Variants in NEGR1 observed in about 807,000 individuals in gnomAD.
The protein encoded by NEGR1 is IgLON family member 4.
NEGR1 carries 10 observed loss-of-function variants against 40.9 expected under a neutral mutation model. The observed-to-expected ratio is 0.24, with a 90% CI of 0.15 to 0.42. The LOEUF (loss-of-function observed/expected upper bound fraction) is 0.42, where lower values mean the gene tolerates loss of function less well. NEGR1 is among the 10% of genes least tolerant of loss of function. The probability of loss-of-function intolerance (pLI) is 1.00; values close to 1 mark genes in which losing one functional copy is unlikely to be tolerated. For synonymous variants in NEGR1, 185 were observed against 166.8 expected (o/e 1.11, Z -0.84); for missense variants, 352 against 438.9 (o/e 0.80, Z 1.77).
At chr1:71,942,485 T>TATATATA (rs61271690) in intron 1 of NEGR1, among the ~76,000 whole-genome samples, 56 of 4,968 alleles carry the variant, frequency 0.011, no homozygotes, top group South Asian at 0.021. Context: ...ATATATATAT[T>TATATATA]TTTTTTTTTT....
At chr1:71,673,766 C>A (rs546974174) in intron 4 of NEGR1, among the ~76,000 whole-genome samples, 12 of 150,198 alleles carry the variant, frequency 8.0e-5, no homozygotes, top group African/African-American at 2.9e-4. Flanking sequence ...TTACACAGAG[C>A]AGAAGCCCAT....
intron 1 of NEGR1, among the ~76,000 whole-genome samples, chr1:72,036,766 T>C (rs1236186226): frequency 6.6e-6 from 1 of 152,014 alleles, no homozygotes; most frequent in African/African-American, 2.4e-5. Flanking sequence ...TCTTTAACTT[T>C]ACATATATAT....
intron 1 of NEGR1, among the ~76,000 whole-genome samples, chr1:72,085,112 G>A (rs567524482): frequency 6.6e-6 from 1 of 152,166 alleles, no homozygotes; most frequent in South Asian, 2.1e-4. Context: ...AAATCCAAGT[G>A]ATTACACCAG....
chr1:71,447,818 G>GTGAA (rs1252618297), intron 6 of NEGR1, among the ~76,000 whole-genome samples: 1 of 152,082 alleles, frequency 6.6e-6, no homozygotes, highest in Non-Finnish European at 1.5e-5. Flanking sequence ...ATTTTATTGA[G>GTGAA]TGAATGAATG....
intron 1 of NEGR1, among the ~76,000 whole-genome samples, chr1:72,015,330 T>C (rs1249510572): frequency 6.6e-6 from 1 of 151,938 alleles, no homozygotes; most frequent in Non-Finnish European, 1.5e-5. Context: ...TGGCACTTCT[T>C]CTAAAAAAAA....
intron 2 of NEGR1, among the ~76,000 whole-genome samples, chr1:71,848,104 A>G (rs1023799933): frequency 6.6e-6 from 1 of 152,180 alleles, no homozygotes; most frequent in Non-Finnish European, 1.5e-5. Context: ...CATTAACTCT[A>G]TGAATGCTGA....
chr1:71,545,598 C>CT (rs1026610368), intron 6 of NEGR1, among the ~76,000 whole-genome samples: 8 of 151,430 alleles, frequency 5.3e-5, no homozygotes, highest in South Asian at 2.1e-4. Context: ...AACTCTTTTC[C>CT]TTTTTTTTAG....
intron 1 of NEGR1, among the ~76,000 whole-genome samples, chr1:71,936,584 T>C (rs1292031182): frequency 6.6e-6 from 1 of 152,174 alleles, no homozygotes; most frequent in Non-Finnish European, 1.5e-5. Flanking sequence ...AGAGATGCTA[T>C]ATGTGGGCAA....
chr1:71,491,732 C>T (rs548158459), intron 6 of NEGR1, among the ~76,000 whole-genome samples: 6 of 152,028 alleles, frequency 3.9e-5, no homozygotes, highest in East Asian at 3.9e-4. Context: ...TCTTTCATTC[C>T]CAAAGGGCTA....
chr1:72,047,943 TA>T (rs1647017831), intron 1 of NEGR1, among the ~76,000 whole-genome samples: 1 of 151,714 alleles, frequency 6.6e-6, no homozygotes, highest in East Asian at 1.9e-4. Flanking sequence ...AGAAAGAAAG[TA>T]AAAACTGCTC....
intron 6 of NEGR1, among the ~76,000 whole-genome samples, chr1:71,585,719 A>G (rs2101510994): frequency 7.0e-6 from 1 of 142,408 alleles, no homozygotes; most frequent in East Asian, 2.0e-4. Context: ...TTTACTCATT[A>G]CAAGTGAATG....
chr1:71,894,643 C>T (rs1051056276), intron 2 of NEGR1, among the ~76,000 whole-genome samples: 1 of 152,244 alleles, frequency 6.6e-6, no homozygotes, highest in Non-Finnish European at 1.5e-5. Flanking sequence ...GCTAACTTAT[C>T]AAATACAGGT....
intron 6 of NEGR1, among the ~76,000 whole-genome samples, chr1:71,442,123 GA>G (rs1425569124): frequency 2.0e-5 from 3 of 146,876 alleles, no homozygotes; most frequent in East Asian, 4.1e-4. Context: ...TACTCACCTT[GA>G]AAAAAAACCT....
intron 1 of NEGR1, among the ~76,000 whole-genome samples, chr1:72,271,862 G>C (rs189893803): frequency 2.6e-5 from 4 of 151,698 alleles, no homozygotes; most frequent in Non-Finnish European, 1.5e-5. Flanking sequence ...AACATCTGAC[G>C]GGTTTATCAG....
chr1:71,623,542 G>T (rs1014786028), intron 4 of NEGR1, among the ~76,000 whole-genome samples: 15 of 152,030 alleles, frequency 9.9e-5, no homozygotes. Context: ...AGTAGTTGTA[G>T]AATTGAGAGG....
At chr1:71,931,839 A>G (rs896102870) in intron 2 of NEGR1, among the ~76,000 whole-genome samples, 2 of 152,194 alleles carry the variant, frequency 1.3e-5, no homozygotes, top group African/African-American at 4.8e-5. Flanking sequence ...TATTGTAATA[A>G]GGAGCTCTTG....
chr1:71,471,876 G>T (rs1404697249), intron 6 of NEGR1, among the ~76,000 whole-genome samples: 1 of 151,938 alleles, frequency 6.6e-6, no homozygotes, highest in Admixed American at 6.6e-5. Flanking sequence ...ACAACGTCCC[G>T]GTATTCCTTC....
At chr1:72,130,617 G>A (rs2100311665) in intron 1 of NEGR1, among the ~76,000 whole-genome samples, 1 of 152,134 alleles carries the variant, frequency 6.6e-6, no homozygotes, top group Middle Eastern at 3.4e-3. Context: ...TGCTTTTAGG[G>A]TGACTCCAGT....
At chr1:72,206,650 T>C (rs1000528358) in intron 1 of NEGR1, among the ~76,000 whole-genome samples, 3 of 152,002 alleles carry the variant, frequency 2.0e-5, no homozygotes, top group Non-Finnish European at 4.4e-5. Context: ...TCAAGACCAT[T>C]AAACAAATGC....
Sources: gnomAD v4.1 joint callset for allele counts (sites outside exome capture counted in the v4.1 genomes callset) on GRCh38, gnomAD v4.1.1 for gene constraint, MANE v1.5 for transcripts, NCBI Gene and HGNC (gene_info 2026-07-23, HGNC 2026-07-21) for gene names.